Variants in PLEKHO2 observed in about 807,000 individuals in gnomAD.
PLEKHO2 encodes the protein pleckstrin homology domain-containing family O member 2.
Under a neutral mutation model 32.7 loss-of-function variants are expected in PLEKHO2, and 20 were observed. The observed-to-expected ratio is 0.61, with a 90% CI of 0.43 to 0.89. PLEKHO2 has a LOEUF of 0.89. PLEKHO2 is among the 40% of genes least tolerant of loss of function. The pLI, the probability that PLEKHO2 is intolerant of heterozygous loss-of-function variation, is 0.00. For synonymous variants in PLEKHO2, 247 were observed against 246.3 expected, an observed-to-expected ratio of 1.00 and a Z score of -0.03; for missense variants, 568 against 621.2, an observed-to-expected ratio of 0.91 and a Z score of 0.91.
chr15:64,843,712 C>T (rs754055512), intron 1 of PLEKHO2, among the ~76,000 whole-genome samples: 1 of 151,934 alleles, frequency 6.6e-6, no homozygotes, highest in Admixed American at 6.6e-5. Context: ...TCCTGAATAG[C>T]TGGGATTACA....
chr15:64,867,493 C>T lies in PLEKHO2; in HGVS notation c.*1605C>T, dbSNP rs1230585357. On this transcript the variant is annotated 3_prime_UTR_variant, in exon 6 of 6. Coordinates refer to ENST00000323544, the MANE Select transcript of PLEKHO2 (RefSeq NM_025201.5). ...ACAGTCTGGCTTTCCCTCCATCTGC[C>T]CCAGGACAAGAGCAAGAAGGACATC... 6.6e-6 allele frequency: 1 copy of T among 152,276 alleles called. No individual in the cohort carries two copies. The highest frequency in any genetic ancestry group is 1.5e-5 in the Non-Finnish European group (1 of 68,098). The allele number at this position is 152,276 out of a possible 1,614,324, so 9.4% of individuals were successfully genotyped here.
In PLEKHO2 at chr15:64,863,523, G is replaced by GTGTGTGTGTGTT. The variant is rs1204765369; in HGVS notation, c.484-1365_484-1364insTTGTGTGTGTGT. On this transcript the variant is annotated intron_variant, in intron 5 of 5. Coordinates refer to ENST00000323544, the MANE Select transcript of PLEKHO2 (RefSeq NM_025201.5). ...AGGCGCTGTGTGTGTGTGTGTTTGT[G>GTGTGTGTGTGTT]TGTGTGTGTGTGTGTGTGTGTGTGT... is the stretch of plus-strand genomic sequence containing the variant. Among the ~76,000 whole-genome samples the GTGTGTGTGTGTT allele has an allele frequency of 2.1e-3, 121 of 58,536 alleles. 1 individual carries two copies. The highest frequency in any genetic ancestry group is 4.1e-3 in the African/African-American group (89 of 21,584). The allele number at this position is 58,536 out of a possible 152,430, so 38.4% of individuals were successfully genotyped here.
rs1567099115 is a variant in PLEKHO2, at chr15:64,865,187, T to C, written c.772T>C (p.Ser258Pro). The change falls in exon 6 of 6, where the codon TCT becomes CCT. Residue 258 changes from serine (S) to proline (P), a missense_variant. Transcript: ENST00000323544. ...SETPAEEDSG[S>P]EQPPNSVLPD... Reference sequence around the variant, plus strand: ...GACCCCAGCAGAGGAGGACAGTGGCTCTGAGCAGCCTCCCAACAGCGTCCT... The same window carrying C: ...GACCCCAGCAGAGGAGGACAGTGGCCCTGAGCAGCCTCCCAACAGCGTCCT... 1 of 1,614,144 alleles carries C rather than the reference T, an allele frequency of 6.2e-7. No individual in the cohort carries two copies. Among genetic ancestry groups the C allele is most frequent in the Non-Finnish European group, 8.5e-7 (1 of 1,180,008 alleles).
chr15:64,856,103 A>G (rs750898105), intron 3 of PLEKHO2, among the ~76,000 whole-genome samples: 18 of 152,014 alleles, frequency 1.2e-4, no homozygotes, highest in Non-Finnish European at 2.6e-4. Context: ...TAGTGTTATG[A>G]GGGCTCATGG....
At chr15:64,855,352 T>C (rs1427035489) in intron 3 of PLEKHO2, among the ~76,000 whole-genome samples, 1 of 152,174 alleles carries the variant, frequency 6.6e-6, no homozygotes, top group African/African-American at 2.4e-5. Flanking sequence ...GGCACTTGGC[T>C]GTACCCCAGA....
intron 3 of PLEKHO2, 147 bp from the exon 4 acceptor site, chr15:64,859,747 C>T (rs2084629956): frequency 1.2e-5 from 8 of 692,936 alleles, no homozygotes; most frequent in Non-Finnish European, 2.6e-6. Flanking sequence ...GAGATCTTTC[C>T]CTTTCCTGGC....
intron 3 of PLEKHO2, among the ~76,000 whole-genome samples, chr15:64,856,045 A>G (rs920153317): frequency 6.6e-6 from 1 of 152,014 alleles, no homozygotes; most frequent in Non-Finnish European, 1.5e-5. Flanking sequence ...TGGAGCTGTG[A>G]TACTAGGGAG....
At chr15:64,864,838 G>A in intron 5 of PLEKHO2, 61 bp from the exon 6 acceptor site, 2 of 1,516,970 alleles carry the variant, frequency 1.3e-6, no homozygotes, top group East Asian at 4.5e-5. Context: ...GTGTCAGTGG[G>A]CACACCTGAC....
chr15:64,851,862 G>A (rs1249345737), intron 2 of PLEKHO2, among the ~76,000 whole-genome samples: 4 of 152,096 alleles, frequency 2.6e-5, no homozygotes, highest in East Asian at 1.9e-4. Flanking sequence ...CTGTGGACAC[G>A]GGGCAAGTAA....
At chr15:64,847,519 G>A (rs567473256) in intron 1 of PLEKHO2, among the ~76,000 whole-genome samples, 4 of 152,068 alleles carry the variant, frequency 2.6e-5, no homozygotes, top group South Asian at 2.1e-4. Flanking sequence ...TTCATTTCAC[G>A]CGTACCTCTT....
chr15:64,856,962 A>C (rs183945234), intron 3 of PLEKHO2, among the ~76,000 whole-genome samples: 150 of 152,160 alleles, frequency 9.9e-4, no homozygotes, highest in South Asian at 8.5e-3. Flanking sequence ...CTCTAATCAA[A>C]TAAACAAAGA....
Position 64,841,955 on chromosome 15 carries a change from T to A in PLEKHO2, c.-62T>A, listed in dbSNP as rs2084486893. 7 of 1,240,338 alleles carry A rather than the reference T, an allele frequency of 5.6e-6. No homozygotes were observed. Among genetic ancestry groups the A allele is most frequent in the Non-Finnish European group, 7.1e-6 (7 of 991,754 alleles). The allele number at this position is 1,240,338 out of a possible 1,614,324, so 76.8% of individuals were successfully genotyped here. A position where few individuals can be genotyped will look rare whatever the true frequency, so the allele number is the denominator to read the frequency against. ...GCCGCCTGGCCGGGCGTAGACGCGGTGGCAGAGCCCGCGCGGCGCTGGAAG... is the reference window on the plus strand; with the variant it reads ...GCCGCCTGGCCGGGCGTAGACGCGGAGGCAGAGCCCGCGCGGCGCTGGAAG... On this transcript the variant is annotated 5_prime_UTR_variant, in exon 1 of 6. Coordinates refer to ENST00000323544, the MANE Select transcript of PLEKHO2 (RefSeq NM_025201.5).
In PLEKHO2 at chr15:64,866,505, T is replaced by C. The variant is rs571144495; in HGVS notation, c.*617T>C. 2.5e-6 allele frequency: 1 copy of C among 404,446 alleles called. No homozygotes were observed. Among genetic ancestry groups the C allele is most frequent in the East Asian group, 7.4e-5 (1 of 13,574 alleles). The allele number at this position is 404,446 out of a possible 1,614,324, so 25.1% of individuals were successfully genotyped here. The stretch of plus-strand genomic sequence containing the variant: ...CTCTTTGTGAGGAGGACATTAGCTG[T>C]GTGGCCTCTCTCTCTTTGGCCCTGT... On this transcript the variant is annotated 3_prime_UTR_variant, in exon 6 of 6. Coordinates refer to ENST00000323544, the MANE Select transcript of PLEKHO2 (RefSeq NM_025201.5).
intron 2 of PLEKHO2, among the ~76,000 whole-genome samples, chr15:64,852,340 G>A (rs2084575375): frequency 1.3e-5 from 2 of 152,162 alleles, no homozygotes; most frequent in South Asian, 4.1e-4. Flanking sequence ...GGAAAGGGAT[G>A]TATGGATGGA....
chr15:64,854,776 T>C lies in PLEKHO2; in HGVS notation c.163-145T>C, dbSNP rs1321405864. 2.2e-5 allele frequency: 14 copies of C among 641,626 alleles called. No individual in the cohort carries two copies. In the Admixed American group the frequency reaches 2.2e-4, roughly 10 times the overall value. 39.7% of individuals were successfully genotyped at this position (641,626 alleles called of 1,614,324 possible). ...CTTGCCAGGGTCTGGACACCACATC[T>C]TGGTGACTGATTGGCAGCCTGAGGT... On this transcript the variant is annotated intron_variant, in intron 2 of 5. Transcript: ENST00000323544.
intron 2 of PLEKHO2, among the ~76,000 whole-genome samples, chr15:64,851,586 ACTAGGCGAATG>A (rs1454977506): frequency 2.0e-5 from 3 of 152,172 alleles, no homozygotes; most frequent in Non-Finnish European, 2.9e-5. Context: ...GATGTAAGGA[ACTAGGCGAATG>A]CGAATGGCTC....
chr15:64,865,687 G>T lies in PLEKHO2; in HGVS notation c.1272G>T (p.Glu424Asp). Residue 424 changes from glutamate (E) to aspartate (D), a missense_variant, in exon 6 of 6, where the codon GAG (glutamate) becomes GAT (aspartate). Glu to Asp is a conservative substitution (Grantham distance 45). Transcript: ENST00000323544. ...TGAAGGTGGCCTCGGAACAGACGGAGAAACTGTTGAACAAGGTGCTGGGCA... is the reference window on the plus strand; with the variant it reads ...TGAAGGTGGCCTCGGAACAGACGGATAAACTGTTGAACAAGGTGCTGGGCA... ...LEVKVASEQT[E>D]KLLNKVLGSE... 6.2e-7 allele frequency: 1 copy of T among 1,614,236 alleles called. No homozygotes were observed.
rs969702605 is a variant in PLEKHO2 at position 64,846,607 on chromosome 15, G to A, written c.13-1986G>A. On this transcript the variant is annotated intron_variant, in intron 1 of 5. Coordinates refer to ENST00000323544, the MANE Select transcript of PLEKHO2 (RefSeq NM_025201.5). ...ATTACAGGCATGACCCACCATGCCT[G>A]TAGAAGAAGACCCTGGGAAGATCAT... Among the ~76,000 whole-genome samples the A allele has an allele frequency of 7.9e-5, 12 of 152,224 alleles. No homozygotes were observed. The East Asian group carries it at 1.2e-3, about 15-fold the overall frequency.
In PLEKHO2 at chr15:64,865,969, C is replaced by T; in HGVS notation, c.*81C>T. The T allele has an allele frequency of 6.7e-7, 1 of 1,488,162 alleles. No individual in the cohort carries two copies. 92.2% of individuals were successfully genotyped at this position (1,488,162 alleles called of 1,614,324 possible). On this transcript the variant is annotated 3_prime_UTR_variant, in exon 6 of 6. Coordinates refer to ENST00000323544, the MANE Select transcript of PLEKHO2 (RefSeq NM_025201.5). Reference sequence around the variant, plus strand: ...CCCAGCCCTGCTGAGAAATGTGCTTCTGCTTCTACAGCAATGGCTGCAGGA... The same window carrying T: ...CCCAGCCCTGCTGAGAAATGTGCTTTTGCTTCTACAGCAATGGCTGCAGGA...
Sources: gnomAD v4.1 joint callset for allele counts (sites outside exome capture counted in the v4.1 genomes callset) on GRCh38, gnomAD v4.1.1 for gene constraint, MANE v1.5 for transcripts, NCBI Gene and HGNC (gene_info 2026-07-23, HGNC 2026-07-21) for gene names.